The following ANKRD44 variants were observed in gnomAD, a reference collection of about 807,000 sequenced individuals.
The protein encoded by ANKRD44 is ankyrin repeat domain 44.
In ANKRD44, 35 loss-of-function variants were observed where a neutral mutation model predicts 116.0. The observed-to-expected ratio is 0.30, with a 90% CI of 0.23 to 0.40. ANKRD44 has a LOEUF of 0.40. Ranked by LOEUF, ANKRD44 falls within the 10% of genes least tolerant of loss-of-function variation. The pLI is 1.00. For synonymous variants in ANKRD44, 435 were observed against 461.8 expected (o/e 0.94, Z 0.74); for missense variants, 1,014 against 1,242.6 (o/e 0.82, Z 2.77).
intron 16 of ANKRD44, among the ~76,000 whole-genome samples, chr2:197,064,398 G>C (rs1045315218): frequency 1.3e-5 from 2 of 152,154 alleles, no homozygotes; most frequent in African/African-American, 4.8e-5. Context: ...ATCGACTAAC[G>C]AGCAAAATAA....
At chr2:197,256,220 C>T (rs1363914005) in intron 1 of ANKRD44, among the ~76,000 whole-genome samples, 1 of 152,198 alleles carries the variant, frequency 6.6e-6, no homozygotes, top group Non-Finnish European at 1.5e-5. Context: ...GAACTAGTTT[C>T]TAGTGACTGT....
chr2:196,967,671 A>C (rs1467491031), intron 21 of ANKRD44, among the ~76,000 whole-genome samples: 1 of 152,226 alleles, frequency 6.6e-6, no homozygotes, highest in Non-Finnish European at 1.5e-5. Context: ...TGCAATAAAC[A>C]ATGTAGGACT....
At chr2:197,194,683 C>T (rs908196382) in intron 1 of ANKRD44, among the ~76,000 whole-genome samples, 1 of 152,176 alleles carries the variant, frequency 6.6e-6, no homozygotes, top group African/African-American at 2.4e-5. Context: ...GATACATTCT[C>T]TCTATACGTA....
In ANKRD44 at chr2:197,212,039, GTCTC is replaced by G. The variant is rs1350164799; in HGVS notation, c.28-24937_28-24934del. Among the ~76,000 whole-genome samples the G allele has an allele frequency of 8.6e-6, 1 of 116,614 alleles. No individual in the cohort carries two copies. The highest frequency in any genetic ancestry group is 2.0e-5 in the Non-Finnish European group (1 of 49,942). 76.5% of individuals were successfully genotyped at this position (116,614 alleles called of 152,430 possible). A position where few individuals can be genotyped will look rare whatever the true frequency, so the allele number is the denominator to read the frequency against. ...TCACTGAGCCTCTCTCTCTCTCTCA[GTCTC>G]TCTCTCTCTCACACACACACACACA... On this transcript the variant is annotated intron_variant, in intron 1 of 27. Coordinates refer to ENST00000282272, the MANE Select transcript of ANKRD44 (RefSeq NM_001195144.2). This position sits in a 1 kb window ranked among gnomAD's most constrained non-coding sequence, Gnocchi z 4.8.
chr2:197,235,335 A>G lies in ANKRD44; in HGVS notation c.28-48229T>C, dbSNP rs184088197. Among the ~76,000 whole-genome samples, 73 of 152,214 alleles carry G rather than the reference A, an allele frequency of 4.8e-4. 1 individual carries two copies. The highest frequency in any genetic ancestry group is 1.6e-3 in the African/African-American group (67 of 41,554). On this transcript the variant is annotated intron_variant, in intron 1 of 27. Coordinates refer to ENST00000282272, the MANE Select transcript of ANKRD44 (RefSeq NM_001195144.2). ...GGGGCTCAAAAGTAGTGTAAGATCC[A>G]GCCAGGCACGGTGGCTCACGCCTGT...
intron 21 of ANKRD44, among the ~76,000 whole-genome samples, chr2:196,971,171 C>T (rs1244356532): frequency 2.0e-5 from 3 of 152,122 alleles, no homozygotes; most frequent in Non-Finnish European, 4.4e-5. Flanking sequence ...ATTCCTTATA[C>T]TTTCTTCCTA....
chr2:197,273,732 C>T (rs974431685), intron 1 of ANKRD44, among the ~76,000 whole-genome samples: 2 of 151,844 alleles, frequency 1.3e-5, no homozygotes, highest in Non-Finnish European at 2.9e-5. Context: ...TTGGCTGGAG[C>T]CTGGGAAGTG....
intron 16 of ANKRD44, among the ~76,000 whole-genome samples, chr2:197,044,012 A>T (rs1293957571): frequency 6.6e-6 from 1 of 152,222 alleles, no homozygotes; most frequent in African/African-American, 2.4e-5. Flanking sequence ...TCAAACAATT[A>T]AAATGAAGAG....
Position 196,998,400 on chromosome 2 carries a change from G to A in ANKRD44, c.2685C>T (p.Ala895=), listed in dbSNP as rs1230286354. The stretch of plus-strand genomic sequence containing the variant: ...TATCCTTTACAGTCAGATCAGCCTG[G>A]GCACTGTTCACCAAAATATCTGTAG... ...AGAVDILVNS[A]QADLTVKDKD... The change falls in exon 25 of 28, where the codon GCC becomes GCT. Residue 895 remains alanine, a synonymous_variant. Coordinates refer to ENST00000282272, the MANE Select transcript of ANKRD44 (RefSeq NM_001195144.2). The A allele has an allele frequency of 6.2e-7, 1 of 1,613,668 alleles. No individual in the cohort carries two copies. The highest frequency in any genetic ancestry group is 8.5e-7 in the Non-Finnish European group (1 of 1,179,784).
At chr2:197,091,185 C>T (rs1021713427) in intron 10 of ANKRD44, among the ~76,000 whole-genome samples, 3 of 152,200 alleles carry the variant, frequency 2.0e-5, no homozygotes, top group East Asian at 1.9e-4. Context: ...CCTCAGGGGG[C>T]TTTGGGAGTT....
intron 1 of ANKRD44, among the ~76,000 whole-genome samples, chr2:197,218,776 T>TTTTTTTTTTC (rs1491026501): frequency 1.2e-5 from 1 of 84,932 alleles, no homozygotes; most frequent in Non-Finnish European, 2.5e-5. Flanking sequence ...TTTTTTTTTT[T>TTTTTTTTTTC]TGAGATGGAG....
intron 24 of ANKRD44, 77 bp from the exon 25 acceptor site, chr2:196,998,496 C>T: frequency 1.0e-6 from 1 of 974,628 alleles, no homozygotes; most frequent in Admixed American, 2.0e-5. Context: ...ACTACAAACA[C>T]AATAACATAT....
intron 2 of ANKRD44, among the ~76,000 whole-genome samples, chr2:197,157,652 T>C (rs2079854090): frequency 8.5e-6 from 1 of 118,070 alleles, no homozygotes; most frequent in Non-Finnish European, 1.6e-5. Context: ...CACTCCAGCC[T>C]GGCCGACAGA....
chr2:196,990,178 C>T (rs1453957613), intron 27 of ANKRD44: 2 of 985,874 alleles, frequency 2.0e-6, no homozygotes, highest in African/African-American at 3.5e-5. Flanking sequence ...TTATTACAGG[C>T]ATTATTTCTG....
At chr2:197,053,981 A>C (rs963337309) in intron 16 of ANKRD44, among the ~76,000 whole-genome samples, 3 of 152,238 alleles carry the variant, frequency 2.0e-5, no homozygotes, top group African/African-American at 7.2e-5. Flanking sequence ...TGTATCTCTA[A>C]GGATAAGTAC....
At chr2:197,006,449 A>C (rs1032980954) in intron 20 of ANKRD44, among the ~76,000 whole-genome samples, 2 of 152,170 alleles carry the variant, frequency 1.3e-5, no homozygotes, top group Non-Finnish European at 2.9e-5. Context: ...CATCTCAAAA[A>C]GAAAGAAAGA....
At chr2:197,165,954 C>T (rs2080092321) in intron 2 of ANKRD44, among the ~76,000 whole-genome samples, 1 of 152,130 alleles carries the variant, frequency 6.6e-6, no homozygotes, top group Non-Finnish European at 1.5e-5. Context: ...GACAAAAAGA[C>T]ATGACACTGT....
intron 11 of ANKRD44, 108 bp downstream of exon 11, chr2:197,089,842 G>GGTAAT: frequency 1.2e-6 from 1 of 862,500 alleles, no homozygotes; most frequent in Non-Finnish European, 1.9e-6. Context: ...TGACGAGTCA[G>GGTAAT]GTAATGACAT....
At chr2:197,293,695 C>A (rs1030533982) in intron 1 of ANKRD44, among the ~76,000 whole-genome samples, 4 of 152,178 alleles carry the variant, frequency 2.6e-5, no homozygotes, top group African/African-American at 7.2e-5. Context: ...GAATGAAGTT[C>A]CACGGTCTTC....
Sources: allele counts gnomAD v4.1 joint callset (sites outside exome capture counted in the v4.1 genomes callset), GRCh38; gene constraint gnomAD v4.1.1; non-coding constraint Gnocchi (gnomAD v3.1); transcripts MANE v1.5; gene names NCBI Gene and HGNC (gene_info 2026-07-23, HGNC 2026-07-21).